Variants in SNTG2 observed in about 807,000 individuals in gnomAD.
SNTG2 encodes the protein syntrophin gamma 2, also known as gamma-2-syntrophin.
In SNTG2, 74 loss-of-function variants were observed where a neutral mutation model predicts 70.9. The observed-to-expected ratio is 1.04, with a 90% CI of 0.86 to 1.27. The LOEUF (loss-of-function observed/expected upper bound fraction) is 1.27, where lower values mean the gene tolerates loss of function less well. Among genes scored for constraint, SNTG2 ranks in the 50% most tolerant of loss-of-function variants. The pLI, the probability that SNTG2 is intolerant of heterozygous loss-of-function variation, is 0.00. For synonymous variants in SNTG2, 278 were observed against 273.8 expected, an observed-to-expected ratio of 1.02 and a Z score of -0.15; for missense variants, 717 against 690.7, an observed-to-expected ratio of 1.04 and a Z score of -0.43.
chr2:1,122,645 C>T (rs2148291569), intron 4 of SNTG2, among the ~76,000 whole-genome samples: 1 of 151,394 alleles, frequency 6.6e-6, no homozygotes, highest in East Asian at 1.9e-4. Context: ...CATTAAGATC[C>T]TCTGCAAGAC....
At chr2:1,341,641 A>G (rs1418822408) in intron 16 of SNTG2, 1 of 152,158 alleles carries the variant, frequency 6.6e-6, no homozygotes, top group Non-Finnish European at 1.5e-5. Context: ...GTCTTAAGAC[A>G]GTTGCATTTC....
At chr2:1,316,678 A>G (rs1248167294) in intron 16 of SNTG2, among the ~76,000 whole-genome samples, 1 of 86,396 alleles carries the variant, frequency 1.2e-5, no homozygotes, top group Non-Finnish European at 2.6e-5. Context: ...AAATGTTCCA[A>G]TGAACATTTC....
intron 16 of SNTG2, among the ~76,000 whole-genome samples, chr2:1,336,589 T>G (rs529460799): frequency 6.6e-6 from 1 of 152,364 alleles, no homozygotes; most frequent in South Asian, 2.1e-4. Context: ...TTTTATAGTT[T>G]TTGGTCTTAC....
intron 15 of SNTG2, among the ~76,000 whole-genome samples, chr2:1,310,227 G>T (rs1298755469): frequency 6.6e-6 from 1 of 152,210 alleles, no homozygotes; most frequent in East Asian, 1.9e-4. Context: ...GAGCCTGTGA[G>T]CTCCTCCTTT....
chr2:1,309,756 A>G (rs1680889511), intron 15 of SNTG2, among the ~76,000 whole-genome samples: 1 of 152,248 alleles, frequency 6.6e-6, no homozygotes, highest in Admixed American at 6.5e-5. Flanking sequence ...ACAATAGCAC[A>G]TATTTGCATA....
intron 6 of SNTG2, among the ~76,000 whole-genome samples, chr2:1,149,159 T>C (rs1330189545): frequency 6.6e-6 from 1 of 151,626 alleles, no homozygotes; most frequent in Non-Finnish European, 1.5e-5. Flanking sequence ...GCAGTTAGAT[T>C]GAAATTAAAA....
At chr2:1,064,159 A>G (rs1663003754) in intron 1 of SNTG2, among the ~76,000 whole-genome samples, 1 of 151,882 alleles carries the variant, frequency 6.6e-6, no homozygotes, top group African/African-American at 2.4e-5. Context: ...GAAAAAAATA[A>G]TGAACCTAGA....
At chr2:1,323,637 A>G (rs1325652755) in intron 16 of SNTG2, among the ~76,000 whole-genome samples, 1 of 147,668 alleles carries the variant, frequency 6.8e-6, no homozygotes, top group Non-Finnish European at 1.5e-5. Context: ...CATGGCTAAG[A>G]CCCCCCAGTA....
chr2:975,917 G>A (rs571335034), intron 1 of SNTG2, among the ~76,000 whole-genome samples: 42 of 152,248 alleles, frequency 2.8e-4, no homozygotes, highest in Admixed American at 7.2e-4. Context: ...GGACAAATAA[G>A]CCAAAACAAG....
Position 955,341 on chromosome 2 carries a change from G to T in SNTG2, c.72+4273G>T, listed in dbSNP as rs116654643. Among the ~76,000 whole-genome samples, 1,125 of 152,306 alleles carry T rather than the reference G, an allele frequency of 7.4e-3. 18 individuals carry two copies. The highest frequency in any genetic ancestry group is 0.026 in the African/African-American group (1,067 of 41,574). ...GTGAACATCATTTGATGATGGCACC[G>T]AATCGTGTTATTATAAAAACAATCA... On this transcript the variant is annotated intron_variant, in intron 1 of 16. Coordinates refer to ENST00000308624, the MANE Select transcript of SNTG2 (RefSeq NM_018968.4).
At chr2:1,192,290 T>G (rs1049518563) in intron 8 of SNTG2, among the ~76,000 whole-genome samples, 9 of 152,178 alleles carry the variant, frequency 5.9e-5, no homozygotes, top group African/African-American at 2.2e-4. Flanking sequence ...AAGCAGTGTT[T>G]CTGGAGAGTG....
intron 4 of SNTG2, among the ~76,000 whole-genome samples, chr2:1,104,503 T>C (rs894112720): frequency 6.6e-6 from 1 of 152,206 alleles, no homozygotes; most frequent in Non-Finnish European, 1.5e-5. Flanking sequence ...TGAACTTCTT[T>C]TGTTAAGTCA....
chr2:954,742 GC>G (rs1220809516), intron 1 of SNTG2, among the ~76,000 whole-genome samples: 14 of 152,152 alleles, frequency 9.2e-5, no homozygotes, highest in Non-Finnish European at 1.5e-4. Flanking sequence ...GAACAAGAAG[GC>G]CCTCCAAAAG....
At chr2:1,237,822 A>T in intron 9 of SNTG2, 66 bp from the exon 10 acceptor site, 1 of 1,535,564 alleles carries the variant, frequency 6.5e-7, no homozygotes, top group Non-Finnish European at 8.8e-7. Context: ...ATCAGCCTCG[A>T]AACTCACGGA....
At chr2:1,170,844 T>C (rs1433500841) in intron 7 of SNTG2, among the ~76,000 whole-genome samples, 4 of 152,094 alleles carry the variant, frequency 2.6e-5, no homozygotes, top group Admixed American at 2.0e-4. Flanking sequence ...GGAGATGTTT[T>C]CCTTCCCACC....
At chr2:1,068,060 A>G (rs1012640728) in intron 1 of SNTG2, 3 of 152,112 alleles carry the variant, frequency 2.0e-5, no homozygotes, top group Admixed American at 2.0e-4. Flanking sequence ...TGCTGTGTCA[A>G]CCTGAGCTTA....
intron 6 of SNTG2, among the ~76,000 whole-genome samples, chr2:1,155,172 C>CACACACACACACA (rs1553340385): frequency 0.039 from 1,023 of 25,976 alleles, 7 homozygotes; most frequent in African/African-American, 0.064. Flanking sequence ...CACGTAGACC[C>CACACACACACACA]CCCCCCCACA....
At chr2:1,195,568 T>A (rs1480224875) in intron 8 of SNTG2, among the ~76,000 whole-genome samples, 1 of 152,182 alleles carries the variant, frequency 6.6e-6, no homozygotes, top group South Asian at 2.1e-4. Flanking sequence ...TTTGATGGGG[T>A]TATTTGTTTT....
chr2:1,045,452 CT>C (rs1661680817), intron 1 of SNTG2, among the ~76,000 whole-genome samples: 1 of 151,072 alleles, frequency 6.6e-6, no homozygotes, highest in East Asian at 1.9e-4. Flanking sequence ...TTCTTTTTTT[CT>C]TTTTCAAGGT....
Sources: gnomAD v4.1 joint callset for allele counts (sites outside exome capture counted in the v4.1 genomes callset) on GRCh38, gnomAD v4.1.1 for gene constraint, MANE v1.5 for transcripts, NCBI Gene and HGNC (gene_info 2026-07-23, HGNC 2026-07-21) for gene names.